The following ACER1 variants were observed in gnomAD, a reference collection of about 807,000 sequenced individuals.
The protein encoded by ACER1 is alkaline ceramidase 1.
Under a neutral mutation model 24.9 loss-of-function variants are expected in ACER1, and 28 were observed. That is an observed-to-expected ratio of 1.13 (90% CI 0.83 to 1.54). ACER1 has a LOEUF of 1.54. Ranked by LOEUF, ACER1 falls within the 40% of genes most tolerant of loss-of-function variation. The pLI is 0.00. For synonymous variants in ACER1, 132 were observed against 131.4 expected (o/e 1.00, Z -0.03); for missense variants, 352 against 349.3 (o/e 1.01, Z -0.06).
Position 6,312,324 on chromosome 19 carries a change from C to T in ACER1, c.209-34G>A, listed in dbSNP as rs753236021. ...GCAAGGGCAGGCGGTCAGTGGGGTC[C>T]GCCACCTCCTAAACCCCCACTGCCT... is the stretch of plus-strand genomic sequence containing the variant. On this transcript the variant is annotated intron_variant, in intron 2 of 5. Coordinates refer to ENST00000301452, the MANE Select transcript of ACER1 (RefSeq NM_133492.3). 1.9e-5 allele frequency: 30 copies of T among 1,613,518 alleles called. No individual in the cohort carries two copies. In the East Asian group the frequency reaches 2.9e-4, roughly 16 times the overall value.
In ACER1 at chr19:6,309,847, G is replaced by C; in HGVS notation, c.351-13C>G. The stretch of plus-strand genomic sequence containing the variant: ...GATGAACTGGGACCTGGGGAGGAAG[G>C]GGCTCAGCTGTAGGCGGGAAGGGAG... On this transcript the variant is annotated splice_polypyrimidine_tract_variant and intron_variant, in intron 3 of 5. Transcript: ENST00000301452. 1 of 1,613,810 alleles carries C rather than the reference G, an allele frequency of 6.2e-7. No homozygotes were observed. The highest frequency in any genetic ancestry group is 1.1e-5 in the South Asian group (1 of 91,058).
At chr19:6,316,336 G>A (rs1027967883) in intron 1 of ACER1, among the ~76,000 whole-genome samples, 2 of 152,254 alleles carry the variant, frequency 1.3e-5, no homozygotes, top group South Asian at 2.1e-4. Flanking sequence ...CTACTTGAGA[G>A]GCTGAGGAGG....
intron 1 of ACER1, among the ~76,000 whole-genome samples, chr19:6,323,459 C>T (rs1243328405): frequency 6.6e-6 from 1 of 151,976 alleles, no homozygotes; most frequent in Non-Finnish European, 1.5e-5. Flanking sequence ...TGGGAGTTTC[C>T]CTGCACAAGC....
chr19:6,343,432 T>C, the ACER1 span, among the ~76,000 whole-genome samples: 2 of 150,828 alleles, frequency 1.3e-5, no homozygotes, highest in African/African-American at 2.4e-5. Context: ...CCACTCCCAA[T>C]ATGTGGCCTC....
the ACER1 span, among the ~76,000 whole-genome samples, chr19:6,339,731 G>A: frequency 1.1e-3 from 163 of 151,998 alleles, 3 homozygotes; most frequent in African/African-American, 3.6e-3. Flanking sequence ...GCAGTGGTGC[G>A]ATCTCGGCTC....
intron 1 of ACER1, among the ~76,000 whole-genome samples, chr19:6,321,686 C>A (rs1208226059): frequency 6.6e-6 from 1 of 152,036 alleles, no homozygotes; most frequent in African/African-American, 2.4e-5. Flanking sequence ...CAGCTCACTG[C>A]AACCTCCGCC....
chr19:6,321,752 C>A (rs1009500250), intron 1 of ACER1, among the ~76,000 whole-genome samples: 14 of 152,284 alleles, frequency 9.2e-5, no homozygotes, highest in Non-Finnish European at 2.1e-4. Flanking sequence ...GGACTACAGA[C>A]ACGTGCCACC....
chr19:6,310,078 A>G (rs1269589897), intron 3 of ACER1, among the ~76,000 whole-genome samples: 2 of 151,698 alleles, frequency 1.3e-5, no homozygotes, highest in Non-Finnish European at 2.9e-5. Context: ...CCTGGTCAAC[A>G]TGGTGAAACC....
At chr19:6,339,462 G>A in the ACER1 span, among the ~76,000 whole-genome samples, 1 of 152,036 alleles carries the variant, frequency 6.6e-6, no homozygotes, top group East Asian at 1.9e-4. Flanking sequence ...AGGGGCTGGG[G>A]AGGGGGATAG....
the ACER1 span, among the ~76,000 whole-genome samples, chr19:6,351,680 C>CAG: frequency 0.09 from 13,526 of 151,096 alleles, 1,264 homozygotes; most frequent in African/African-American, 0.25. Flanking sequence ...CTGCAGTGAG[C>CAG]TGTGATTGCG....
chr19:6,347,426 C>T, the ACER1 span, among the ~76,000 whole-genome samples: 1 of 151,844 alleles, frequency 6.6e-6, no homozygotes, highest in Admixed American at 6.6e-5. Context: ...CGCCATGTTA[C>T]CCAAGCTGGC....
At chr19:6,346,502 CTTCT>C in the ACER1 span, among the ~76,000 whole-genome samples, 8 of 150,378 alleles carry the variant, frequency 5.3e-5, no homozygotes, top group African/African-American at 1.7e-4. Context: ...CCTTCTTCTT[CTTCT>C]TTTTTTTCTT....
chr19:6,352,188 C>T, the ACER1 span, among the ~76,000 whole-genome samples: 1 of 152,136 alleles, frequency 6.6e-6, no homozygotes, highest in Non-Finnish European at 1.5e-5. Context: ...TCCTGTTATG[C>T]CCCTGCCACT....
chr19:6,333,481 A>C lies in ACER1; in HGVS notation c.71T>G (p.Leu24Arg), dbSNP rs145699174. 2 of 1,591,800 alleles carry C rather than the reference A, an allele frequency of 1.3e-6. No individual in the cohort carries two copies. The highest frequency in any genetic ancestry group is 1.3e-5 in the African/African-American group (1 of 74,530). ...CACCGTGTTGTAGAACTCGGCCACC[A>C]GCTCCGAGTACTGGAAGTTGCTCTC... ...WCESNFQYSE[L>R]VAEFYNTFSN... Residue 24 changes from leucine to arginine, a missense_variant, in exon 1 of 6, where the codon CTG becomes CGG. Leu to Arg is a moderately radical substitution (Grantham distance 102). Coordinates refer to ENST00000301452, the MANE Select transcript of ACER1 (RefSeq NM_133492.3).
the ACER1 span, among the ~76,000 whole-genome samples, chr19:6,354,320 T>A: frequency 6.7e-6 from 1 of 150,186 alleles, no homozygotes; most frequent in African/African-American, 2.4e-5. Flanking sequence ...GCATTTTTTT[T>A]AATTGATGGG....
At position 6,315,243 on chromosome 19, in the gene ACER1, G is replaced by T. The variant is rs185093400; in HGVS notation, c.94-2744C>A. ...TATTGAGACAGGGTCTCTCTCTGTT[G>T]CCGAGGCTGGAATGCAGTGACACGA... is the stretch of plus-strand genomic sequence containing the variant. On this transcript the variant is annotated intron_variant, in intron 1 of 5. Transcript: ENST00000301452. Among the ~76,000 whole-genome samples, 30 of 151,256 alleles carry T rather than the reference G, an allele frequency of 2.0e-4. No individual in the cohort carries two copies. The East Asian group carries it at 5.3e-3, about 27-fold the overall frequency.
the ACER1 span, among the ~76,000 whole-genome samples, chr19:6,359,434 T>A: frequency 1.3e-5 from 2 of 151,612 alleles, no homozygotes; most frequent in African/African-American, 2.4e-5. Flanking sequence ...TTCTCCTGAC[T>A]CAGCCTCCCA....
At chr19:6,316,734 C>T (rs1189942009) in intron 1 of ACER1, among the ~76,000 whole-genome samples, 3 of 150,160 alleles carry the variant, frequency 2.0e-5, no homozygotes, top group African/African-American at 4.9e-5. Flanking sequence ...ACAGGACAAT[C>T]GCTTGAATCC....
chr19:6,331,106 G>A (rs1265412305), intron 1 of ACER1, among the ~76,000 whole-genome samples: 1 of 148,512 alleles, frequency 6.7e-6, no homozygotes, highest in Non-Finnish European at 1.5e-5. Flanking sequence ...ATTAAAGGAG[G>A]TGTTTCACGT....
Sources: gnomAD v4.1 joint callset for allele counts (sites outside exome capture counted in the v4.1 genomes callset) on GRCh38, gnomAD v4.1.1 for gene constraint, MANE v1.5 for transcripts, NCBI Gene and HGNC (gene_info 2026-07-23, HGNC 2026-07-21) for gene names.